The following PLAGL2 variants were observed in gnomAD, a reference collection of about 807,000 sequenced individuals.
The protein encoded by PLAGL2 is zinc finger protein PLAGL2.
Under a neutral mutation model 29.0 loss-of-function variants are expected in PLAGL2, and 7 were observed. The observed-to-expected ratio is 0.24, with a 90% CI of 0.14 to 0.45. The LOEUF is 0.45. PLAGL2 is among the 20% of genes least tolerant of loss of function. The pLI, the probability that PLAGL2 is intolerant of heterozygous loss-of-function variation, is 0.99. For synonymous variants in PLAGL2, 234 were observed against 266.0 expected (o/e 0.88, Z 1.17); for missense variants, 454 against 648.2 (o/e 0.70, Z 3.25).
Position 32,202,142 on chromosome 20 carries a change from G to C in PLAGL2, c.37C>G (p.Gln13Glu). 1 of 1,614,162 alleles carries C rather than the reference G, an allele frequency of 6.2e-7. No homozygotes were observed. Among genetic ancestry groups the C allele is most frequent in the South Asian group, 1.1e-5 (1 of 91,078 alleles). ...ACTTCCTCCTCCTGCTTTGCATCTT[G>C]AATCCAGGGGGGGACGCTGGTGAAA... ...TFFTSVPPWI[Q>E]DAKQEEEVGW... Residue 13 changes from glutamine to glutamate, a missense_variant, in exon 2 of 3, where the codon CAA becomes GAA. By Grantham distance (29) the Gln-to-Glu change is conservative (BLOSUM62 2). Transcript: ENST00000246229.
chr20:32,203,939 A>C (rs759535546), intron 1 of PLAGL2, among the ~76,000 whole-genome samples: 12 of 152,182 alleles, frequency 7.9e-5, no homozygotes, highest in Non-Finnish European at 1.8e-4. Flanking sequence ...AGGTAGCACT[A>C]AAAACTAGTC....
chr20:32,196,376 C>G lies in PLAGL2; in HGVS notation c.*76G>C. On this transcript the variant is annotated 3_prime_UTR_variant, in exon 3 of 3. Transcript: ENST00000246229. Reference sequence around the variant, plus strand: ...CCAGCTCTGAAAGCTCAGCTGCCTTCATGGGGGACACAGACGGGGTGGGTA... The same window carrying G: ...CCAGCTCTGAAAGCTCAGCTGCCTTGATGGGGGACACAGACGGGGTGGGTA... The G allele has an allele frequency of 7.9e-6, 9 of 1,142,330 alleles. No homozygotes were observed. The highest frequency in any genetic ancestry group is 1.1e-5 in the Non-Finnish European group (9 of 855,706). The allele number at this position is 1,142,330 out of a possible 1,614,324, so 70.8% of individuals were successfully genotyped here.
At chr20:32,205,987 T>C (rs1221272330) in intron 1 of PLAGL2, among the ~76,000 whole-genome samples, 1 of 152,214 alleles carries the variant, frequency 6.6e-6, no homozygotes, top group Non-Finnish European at 1.5e-5. Flanking sequence ...TTTATCCTCC[T>C]GCCCAAGAGT....
chr20:32,196,309 A>G lies in PLAGL2; in HGVS notation c.*143T>C. The G allele has an allele frequency of 4.0e-6, 2 of 498,830 alleles. No individual in the cohort carries two copies. Among genetic ancestry groups the G allele is most frequent in the Non-Finnish European group, 6.7e-6 (2 of 299,220 alleles). The allele number at this position is 498,830 out of a possible 1,614,324, so 30.9% of individuals were successfully genotyped here. On this transcript the variant is annotated 3_prime_UTR_variant, in exon 3 of 3. Coordinates refer to ENST00000246229, the MANE Select transcript of PLAGL2 (RefSeq NM_002657.3). ...ATCCTAGAGCCTGAACCCCCAAACC[A>G]AGTGCTCCTGTATACAGACACTGGA... is the stretch of plus-strand genomic sequence containing the variant.
Position 32,196,237 on chromosome 20 carries a change from A to G in PLAGL2, c.*215T>C, listed in dbSNP as rs2047227122. 7.7e-6 allele frequency: 3 copies of G among 391,014 alleles called. No homozygotes were observed. Among genetic ancestry groups the G allele is most frequent in the African/African-American group, 4.1e-5 (2 of 48,438 alleles). The allele number at this position is 391,014 out of a possible 1,614,324, so 24.2% of individuals were successfully genotyped here. A position where few individuals can be genotyped will look rare whatever the true frequency, so the allele number is the denominator to read the frequency against. On this transcript the variant is annotated 3_prime_UTR_variant, in exon 3 of 3. Transcript: ENST00000246229. ...TAAATAATACCTGAAGTCCTACGGT[A>G]TGAGATCTTTTCACGGGGTTGGGGC...
At position 32,197,402 on chromosome 20, in the gene PLAGL2, G is replaced by A. The variant is rs778699301; in HGVS notation, c.541C>T (p.Arg181Trp). Residue 181 changes from arginine to tryptophan, a missense_variant, in exon 3 of 3, where the codon CGG becomes TGG. Arg to Trp is a moderately radical substitution (Grantham distance 101). Transcript: ENST00000246229. The surrounding 1 kb of genome is among the most constrained non-coding windows in gnomAD (Gnocchi z 6.6). ...LLEHLKAHSR[R>W]VAGGAKEKKH... ...TTCTCCTTGGCACCGCCTGCTACCC[G>A]GCGTGAGTGGGCCTTCAGGTGCTCT... is the stretch of plus-strand genomic sequence containing the variant. 9.0e-5 allele frequency: 145 copies of A among 1,611,720 alleles called. No homozygotes were observed. The highest frequency in any genetic ancestry group is 1.1e-4 in the Non-Finnish European group (135 of 1,179,666).
intron 1 of PLAGL2, among the ~76,000 whole-genome samples, chr20:32,206,808 C>T (rs777904303): frequency 2.0e-5 from 3 of 152,148 alleles, no homozygotes; most frequent in Non-Finnish European, 4.4e-5. Flanking sequence ...TTCAATTCCC[C>T]GAGCCTGGGA....
chr20:32,198,592 G>A (rs145484714), intron 2 of PLAGL2, among the ~76,000 whole-genome samples: 2,379 of 152,244 alleles, frequency 0.016, 43 homozygotes, highest in African/African-American at 0.042. Flanking sequence ...AGCTGTGATC[G>A]CACCACTGCA....
Position 32,196,718 on chromosome 20 carries a change from C to T in PLAGL2, c.1225G>A (p.Ala409Thr), listed in dbSNP as rs2047230577. 3.2e-6 allele frequency: 5 copies of T among 1,577,284 alleles called. No homozygotes were observed. Among genetic ancestry groups the T allele is most frequent in the Non-Finnish European group, 3.4e-6 (4 of 1,161,008 alleles). ...AGGTGGGAGAAGTCCACATTAGCAG[C>T]GCAGAGGGCCTCAGAGAGGTTGGCG... ...SPANLSEALC[A>T]ANVDFSHLLG... The change falls in exon 3 of 3, where the codon GCT becomes ACT. Residue 409 changes from alanine (A) to threonine (T), a missense_variant. This residue lies in a region of PLAGL2 where 247 missense variants were observed against 350.3 expected (regional missense o/e 0.71). Transcript: ENST00000246229.
chr20:32,200,595 CTTTTTTGTT>C (rs932861584), intron 2 of PLAGL2, among the ~76,000 whole-genome samples: 3 of 150,100 alleles, frequency 2.0e-5, no homozygotes, highest in Non-Finnish European at 2.9e-5. Flanking sequence ...CAAAATTGCT[CTTTTTTGTT>C]TTTTTTGAGA....
rs2047207260 is a variant in PLAGL2 at position 32,192,765 on chromosome 20, G to C, written c.*3687C>G. ...TTAAATAATCTGGAGTTACAAAAGA[G>C]TGGCTCCAAAGCCTTGACCGCTGGT... is the stretch of plus-strand genomic sequence containing the variant. On this transcript the variant is annotated 3_prime_UTR_variant, in exon 3 of 3. Coordinates refer to ENST00000246229, the MANE Select transcript of PLAGL2 (RefSeq NM_002657.3). The C allele has an allele frequency of 6.6e-6, 1 of 152,650 alleles. No homozygotes were observed. The highest frequency in any genetic ancestry group is 2.4e-5 in the African/African-American group (1 of 41,454). 9.5% of individuals were successfully genotyped at this position (152,650 alleles called of 1,614,324 possible). A position where few individuals can be genotyped will look rare whatever the true frequency, so the allele number is the denominator to read the frequency against.
Position 32,197,154 on chromosome 20 carries a change from G to A in PLAGL2, c.789C>T (p.Ser263=), listed in dbSNP as rs2047234184. 2 of 1,614,092 alleles carry A rather than the reference G, an allele frequency of 1.2e-6. No homozygotes were observed. The highest frequency in any genetic ancestry group is 1.7e-6 in the Non-Finnish European group (2 of 1,180,034). The change falls in exon 3 of 3, where the codon AGC becomes AGT. Residue 263 remains serine (S), a synonymous_variant. Coordinates refer to ENST00000246229, the MANE Select transcript of PLAGL2 (RefSeq NM_002657.3). This position sits in a 1 kb window ranked among gnomAD's most constrained non-coding sequence, Gnocchi z 6.6. ...PVDMLGLLSC[S]STVSVKEELS... The stretch of plus-strand genomic sequence containing the variant: ...GCTCTTCCTTCACACTGACTGTGGA[G>A]CTGCAGCTGAGTAGGCCTAACATGT...
chr20:32,195,791 G>GT lies in PLAGL2; in HGVS notation c.*660dup, dbSNP rs2047224571. The stretch of plus-strand genomic sequence containing the variant: ...ACTGATGGGAATGGATTCACGGTGT[G>GT]TAAACAGTGTTCACTGCAATCACTC... On this transcript the variant is annotated 3_prime_UTR_variant, in exon 3 of 3. Transcript: ENST00000246229. The GT allele has an allele frequency of 6.5e-6, 1 of 152,742 alleles. No homozygotes were observed. Among genetic ancestry groups the GT allele is most frequent in the Admixed American group, 6.5e-5 (1 of 15,288 alleles). The allele number at this position is 152,742 out of a possible 1,614,324, so 9.5% of individuals were successfully genotyped here.
At chr20:32,206,892 G>C (rs756950587) in intron 1 of PLAGL2, among the ~76,000 whole-genome samples, 2 of 152,186 alleles carry the variant, frequency 1.3e-5, no homozygotes, top group Admixed American at 6.5e-5. Context: ...TCTGGGATGG[G>C]AAGGAAGAGC....
intron 2 of PLAGL2, among the ~76,000 whole-genome samples, chr20:32,201,671 G>A (rs1324612619): frequency 1.3e-5 from 2 of 152,328 alleles, no homozygotes; most frequent in East Asian, 1.9e-4. Flanking sequence ...AGAAGGCCAG[G>A]TGCAGTGGCT....
At chr20:32,206,401 G>T (rs1393758510) in intron 1 of PLAGL2, among the ~76,000 whole-genome samples, 3 of 152,190 alleles carry the variant, frequency 2.0e-5, no homozygotes, top group Admixed American at 2.0e-4. Flanking sequence ...TGTCAGTGTA[G>T]ATGGGCCCTC....
rs1194359641 is a variant in PLAGL2 at position 32,195,024 on chromosome 20, AT to A, written c.*1427del. 2 of 121,974 alleles carry A rather than the reference AT, an allele frequency of 1.6e-5. No homozygotes were observed. Among genetic ancestry groups the A allele is most frequent in the East Asian group, 5.7e-4 (2 of 3,522 alleles). The allele number at this position is 121,974 out of a possible 1,614,324, so 7.6% of individuals were successfully genotyped here. On this transcript the variant is annotated 3_prime_UTR_variant, in exon 3 of 3. Transcript: ENST00000246229. ...ACGAGTCAGAAGAAAAGAACTAATC[AT>A]TTGTTGCAAGAAACCTTGCCGGATA...
chr20:32,207,362 C>T (rs967831116), intron 1 of PLAGL2, among the ~76,000 whole-genome samples: 8 of 151,972 alleles, frequency 5.3e-5, no homozygotes, highest in Non-Finnish European at 1.2e-4. Context: ...GAATGGGGGA[C>T]CCTCAGGACT....
chr20:32,207,098 G>C (rs889349213), intron 1 of PLAGL2, among the ~76,000 whole-genome samples: 1 of 152,138 alleles, frequency 6.6e-6, no homozygotes, highest in Non-Finnish European at 1.5e-5. Flanking sequence ...CCACTGAGGA[G>C]GGAACTACAG....
Sources: gnomAD v4.1 joint callset for allele counts (sites outside exome capture counted in the v4.1 genomes callset) on GRCh38, gnomAD v4.1.1 for gene constraint, gnomAD v4.1.1 regional missense constraint, Gnocchi (gnomAD v3.1) non-coding constraint, MANE v1.5 for transcripts, NCBI Gene and HGNC (gene_info 2026-07-23, HGNC 2026-07-21) for gene names.